The following DPYSL2 variants were observed in gnomAD, a reference collection of about 807,000 sequenced individuals.
DPYSL2 encodes dihydropyrimidinase like 2.
DPYSL2 carries 13 observed loss-of-function variants against 69.9 expected under a neutral mutation model. The ratio of observed to expected loss-of-function variants is 0.19; its 90% CI spans 0.12 to 0.30. The LOEUF (loss-of-function observed/expected upper bound fraction) is 0.30. Among genes scored for constraint, DPYSL2 ranks in the 10% least tolerant of loss-of-function variants. The pLI, the probability that DPYSL2 is intolerant of heterozygous loss-of-function variation, is 1.00. For missense variants in DPYSL2, 587 were observed against 918.9 expected (o/e 0.64, Z 4.67); for synonymous variants, 326 against 359.1 (o/e 0.91, Z 1.04).
chr8:26,526,247 A>G (rs536094644), intron 1 of DPYSL2, among the ~76,000 whole-genome samples: 4 of 152,266 alleles, frequency 2.6e-5, no homozygotes, highest in African/African-American at 9.6e-5. Context: ...GGTATGTGCC[A>G]CCATGCCCGG....
chr8:26,602,470 T>G (rs1462192856), intron 3 of DPYSL2, among the ~76,000 whole-genome samples: 4 of 152,058 alleles, frequency 2.6e-5, no homozygotes, highest in Non-Finnish European at 5.9e-5. Context: ...ATGGAGAGTA[T>G]TATGCTAGAC....
At chr8:26,578,622 T>A (rs2129718812) in intron 1 of DPYSL2, 2 of 1,198,242 alleles carry the variant, frequency 1.7e-6, no homozygotes, top group South Asian at 2.0e-5. Context: ...GATGCCAGAT[T>A]GAATATGCAT....
At chr8:26,567,003 C>T (rs1801160262) in intron 1 of DPYSL2, among the ~76,000 whole-genome samples, 1 of 151,808 alleles carries the variant, frequency 6.6e-6, no homozygotes, top group African/African-American at 2.4e-5. Flanking sequence ...TCTATTCATC[C>T]ATCATCCATT....
chr8:26,627,848 C>T lies in DPYSL2; in HGVS notation c.937-24C>T, dbSNP rs1257113865. 6.2e-7 allele frequency: 1 copy of T among 1,612,304 alleles called. No individual in the cohort carries two copies. ...GTGCAAAATCCACTCTCCCTCACAGCCTGACTTTCTCTAAACATTGCAGGA... is the reference window on the plus strand; with the variant it reads ...GTGCAAAATCCACTCTCCCTCACAGTCTGACTTTCTCTAAACATTGCAGGA... On this transcript the variant is annotated intron_variant, in intron 6 of 13. Coordinates refer to ENST00000521913, the MANE Select transcript of DPYSL2 (RefSeq NM_001197293.3). This position sits in a 1 kb window ranked among gnomAD's most constrained non-coding sequence, Gnocchi z 6.9.
chr8:26,569,099 G>A (rs527406843), intron 1 of DPYSL2, among the ~76,000 whole-genome samples: 1 of 152,088 alleles, frequency 6.6e-6, no homozygotes, highest in Admixed American at 6.5e-5. Flanking sequence ...GCCCCCAACT[G>A]TAATCCCACT....
chr8:26,633,794 G>A (rs768972458), intron 7 of DPYSL2, among the ~76,000 whole-genome samples: 26 of 152,330 alleles, frequency 1.7e-4, no homozygotes, highest in African/African-American at 5.3e-4. Flanking sequence ...GATTTAAAGC[G>A]CCAGATTATT....
In DPYSL2 at chr8:26,614,947, C is replaced by T. The variant is rs1256238014; in HGVS notation, c.629-9196C>T. ...CTCAATTAACTAGCCCTCTTGCTCTCTTTTGATCACACGTTCTGGGGTCAG... is the reference window on the plus strand; with the variant it reads ...CTCAATTAACTAGCCCTCTTGCTCTTTTTTGATCACACGTTCTGGGGTCAG... On this transcript the variant is annotated intron_variant, in intron 3 of 13. Coordinates refer to ENST00000521913, the MANE Select transcript of DPYSL2 (RefSeq NM_001197293.3). The surrounding 1 kb of genome is among the most constrained non-coding windows in gnomAD (Gnocchi z 4.9). Among the ~76,000 whole-genome samples the T allele has an allele frequency of 6.6e-6, 1 of 152,238 alleles. No individual in the cohort carries two copies. Among genetic ancestry groups the T allele is most frequent in the African/African-American group, 2.4e-5 (1 of 41,468 alleles).
rs958135978 is a variant in DPYSL2 at position 26,658,054 on chromosome 8, G to A, written c.*2348G>A. 2.6e-5 allele frequency: 4 copies of A among 150,956 alleles called. No homozygotes were observed. Among genetic ancestry groups the A allele is most frequent in the Admixed American group, 2.6e-4 (4 of 15,138 alleles). 9.4% of individuals were successfully genotyped at this position (150,956 alleles called of 1,614,324 possible). ...TAGCCAGAAGAGTACTTTTTTTTTT[G>A]TAACCACTGTCTTGATGGCAAAATA... is the stretch of plus-strand genomic sequence containing the variant. On this transcript the variant is annotated 3_prime_UTR_variant, in exon 14 of 14. Transcript: ENST00000521913. The surrounding 1 kb of genome is among the most constrained non-coding windows in gnomAD (Gnocchi z 4.7).
At chr8:26,581,947 C>T in intron 1 of DPYSL2, 22 bp from the exon 2 acceptor site, 4 of 1,598,680 alleles carry the variant, frequency 2.5e-6, no homozygotes, top group Non-Finnish European at 3.4e-6. Flanking sequence ...CGCGTTGTGA[C>T]CTTACTGCCT....
chr8:26,583,649 A>T (rs186212950), intron 2 of DPYSL2, 150 bp from the exon 3 acceptor site: 2 of 698,720 alleles, frequency 2.9e-6, no homozygotes, highest in Admixed American at 6.5e-5. Flanking sequence ...GGGTAGGAGT[A>T]TATAGTGTTT....
chr8:26,520,104 A>G (rs1808360801), intron 1 of DPYSL2, among the ~76,000 whole-genome samples: 3 of 152,150 alleles, frequency 2.0e-5, no homozygotes, highest in Middle Eastern at 3.2e-3. Flanking sequence ...AAGTCTCACA[A>G]GATTTATAAG....
Position 26,583,941 on chromosome 8 carries a change from C to A in DPYSL2, c.586C>A (p.Gln196Lys), listed in dbSNP as rs201913640. The change falls in exon 3 of 14, where the codon CAA becomes AAA. Residue 196 changes from glutamine to lysine, a missense_variant. Coordinates refer to ENST00000521913, the MANE Select transcript of DPYSL2 (RefSeq NM_001197293.3). ...AATGACGTCTGCTGATGATTTCTTCCAAGGAACCAAGGCGGCCCTGGCTGG... is the reference window on the plus strand; with the variant it reads ...AATGACGTCTGCTGATGATTTCTTCAAAGGAACCAAGGCGGCCCTGGCTGG... ...QGMTSADDFFQGTKAALAGGT... is the reference protein window; with the variant it reads ...QGMTSADDFFKGTKAALAGGT... The A allele has an allele frequency of 1.1e-5, 17 of 1,614,096 alleles. No homozygotes were observed. The East Asian group carries it at 3.8e-4, about 36-fold the overall frequency.
chr8:26,568,403 C>T (rs1422326307), intron 1 of DPYSL2, among the ~76,000 whole-genome samples: 1 of 152,172 alleles, frequency 6.6e-6, no homozygotes, highest in Non-Finnish European at 1.5e-5. Context: ...TCCTGATCCC[C>T]CTTGGTCTCC....
chr8:26,620,066 G>A lies in DPYSL2; in HGVS notation c.629-4077G>A, dbSNP rs1802446401. 4 of 152,474 alleles carry A rather than the reference G, an allele frequency of 2.6e-5. No individual in the cohort carries two copies. Among genetic ancestry groups the A allele is most frequent in the South Asian group, 2.1e-4 (1 of 4,838 alleles). The allele number at this position is 152,474 out of a possible 1,614,324, so 9.4% of individuals were successfully genotyped here. On this transcript the variant is annotated intron_variant, in intron 3 of 13. Transcript: ENST00000521913. The surrounding 1 kb of genome is among the most constrained non-coding windows in gnomAD (Gnocchi z 4.5). ...GTAGACTAGTGGTTGCCAGGGGCTGGGAGTAGCAGGCTAGGAGGGAATGGG... is the reference window on the plus strand; with the variant it reads ...GTAGACTAGTGGTTGCCAGGGGCTGAGAGTAGCAGGCTAGGAGGGAATGGG...
rs991754092 is a variant in DPYSL2, at chr8:26,614,942, G to A, written c.629-9201G>A. 6.6e-6 allele frequency among the ~76,000 whole-genome samples: 1 copy of A among 152,214 alleles called. No homozygotes were observed. Among genetic ancestry groups the A allele is most frequent in the African/African-American group, 2.4e-5 (1 of 41,462 alleles). On this transcript the variant is annotated intron_variant, in intron 3 of 13. Coordinates refer to ENST00000521913, the MANE Select transcript of DPYSL2 (RefSeq NM_001197293.3). The surrounding 1 kb of genome is among the most constrained non-coding windows in gnomAD (Gnocchi z 4.9). ...CACTTCTCAATTAACTAGCCCTCTT[G>A]CTCTCTTTTGATCACACGTTCTGGG... is the stretch of plus-strand genomic sequence containing the variant.
intron 11 of DPYSL2, among the ~76,000 whole-genome samples, chr8:26,649,385 T>G (rs770627925): frequency 2.6e-5 from 4 of 152,182 alleles, no homozygotes; most frequent in Non-Finnish European, 5.9e-5. Context: ...ACAAATGACC[T>G]AGCTGGGGAA....
rs117838062 is a variant in DPYSL2, at chr8:26,562,366, C to T, written c.355-19603C>T. 2.9e-3 allele frequency among the ~76,000 whole-genome samples: 447 copies of T among 152,300 alleles called. 4 individuals are homozygous for T. The highest frequency in any genetic ancestry group is 3.4e-3 in the Middle Eastern group (1 of 294). ...CCAGTAATTGCTGCAAAAGTGGTAG[C>T]TGTTATTATTGCCTCCAACATAAAT... On this transcript the variant is annotated intron_variant, in intron 1 of 13. Transcript: ENST00000521913. This position sits in a 1 kb window ranked among gnomAD's most constrained non-coding sequence, Gnocchi z 4.9.
intron 1 of DPYSL2, among the ~76,000 whole-genome samples, chr8:26,561,476 G>A (rs548541128): frequency 2.2e-4 from 33 of 152,126 alleles, no homozygotes; most frequent in South Asian, 2.1e-3. Flanking sequence ...TATCTTAAAG[G>A]CATCTCAAAT....
chr8:26,631,487 G>A (rs770991732), intron 7 of DPYSL2, among the ~76,000 whole-genome samples: 3 of 152,194 alleles, frequency 2.0e-5, no homozygotes, highest in African/African-American at 7.2e-5. Context: ...CAACATGTGT[G>A]GATTACAATT....
Sources: gnomAD v4.1 joint callset for allele counts (sites outside exome capture counted in the v4.1 genomes callset) on GRCh38, gnomAD v4.1.1 for gene constraint, Gnocchi (gnomAD v3.1) non-coding constraint, MANE v1.5 for transcripts, NCBI Gene and HGNC (gene_info 2026-07-23, HGNC 2026-07-21) for gene names.